Variants in SLC8A1 observed in about 807,000 individuals in gnomAD.
SLC8A1 encodes the protein solute carrier family 8 member A1.
Under a neutral mutation model 68.3 loss-of-function variants are expected in SLC8A1, and 18 were observed. That is an observed-to-expected ratio of 0.26 (90% CI 0.18 to 0.39). The LOEUF (loss-of-function observed/expected upper bound fraction) is 0.39, where lower values mean the gene tolerates loss of function less well. SLC8A1 is among the 10% of genes least tolerant of loss of function. The probability of loss-of-function intolerance (pLI) is 1.00; values close to 1 mark genes in which losing one functional copy is unlikely to be tolerated. For missense variants in SLC8A1, 985 were observed against 1,156.7 expected (o/e 0.85, Z 2.15); for synonymous variants, 475 against 415.5 (o/e 1.14, Z -1.74).
intron 2 of SLC8A1, among the ~76,000 whole-genome samples, chr2:40,352,217 G>A (rs1186965956): frequency 6.6e-6 from 1 of 152,136 alleles, no homozygotes; most frequent in Non-Finnish European, 1.5e-5. Context: ...AGTGTGTCAT[G>A]TGAACAATTC....
intron 2 of SLC8A1, among the ~76,000 whole-genome samples, chr2:40,392,766 A>G (rs775843886): frequency 3.5e-4 from 53 of 152,104 alleles, no homozygotes; most frequent in Non-Finnish European, 7.2e-4. Flanking sequence ...AGAAGAGGAC[A>G]ATAAAAAATC....
intron 2 of SLC8A1, among the ~76,000 whole-genome samples, chr2:40,277,331 G>T (rs962798886): frequency 1.3e-5 from 2 of 152,076 alleles, no homozygotes; most frequent in African/African-American, 4.8e-5. Flanking sequence ...CTTGAGGCCA[G>T]GAGTTTGAGA....
intron 2 of SLC8A1, among the ~76,000 whole-genome samples, chr2:40,229,103 T>G (rs2059336129): frequency 6.6e-6 from 1 of 152,124 alleles, no homozygotes; most frequent in Non-Finnish European, 1.5e-5. Context: ...ACCATAAAGC[T>G]GAAATGATTT....
Position 40,429,435 on chromosome 2 carries a change from C to T in SLC8A1, c.846G>A (p.Arg282=), listed in dbSNP as rs1348182383. The change falls in exon 2 of 8, where the codon AGG becomes AGA. Residue 282 remains arginine, a synonymous_variant. Transcript: ENST00000406785. ...TTTCAATTTCAGTCTTAGAAGATGG[C>T]CTGTCTCCTTCATGTTCAATAATCA... is the stretch of plus-strand genomic sequence containing the variant. 2.5e-6 allele frequency: 4 copies of T among 1,613,876 alleles called. No individual in the cohort carries two copies. The South Asian group carries it at 3.3e-5, about 13-fold the overall frequency.
chr2:40,356,751 G>A (rs978826092), intron 2 of SLC8A1, among the ~76,000 whole-genome samples: 2 of 152,052 alleles, frequency 1.3e-5, no homozygotes, highest in African/African-American at 4.8e-5. Flanking sequence ...TACTTAAATC[G>A]GCCTGCTTTT....
chr2:40,239,710 G>A (rs1051632333), intron 2 of SLC8A1, among the ~76,000 whole-genome samples: 2 of 152,080 alleles, frequency 1.3e-5, no homozygotes, highest in African/African-American at 4.8e-5. Context: ...AAAAAAACTG[G>A]TGCATTCTTT....
At chr2:40,311,304 T>A (rs2073618229) in intron 2 of SLC8A1, among the ~76,000 whole-genome samples, 1 of 152,164 alleles carries the variant, frequency 6.6e-6, no homozygotes, top group Admixed American at 6.6e-5. Context: ...TCATTTAACA[T>A]TCAAAGCTGT....
intron 2 of SLC8A1, among the ~76,000 whole-genome samples, chr2:40,271,201 T>A (rs1024680586): frequency 3.3e-5 from 5 of 151,476 alleles, no homozygotes; most frequent in African/African-American, 1.2e-4. Context: ...GAGCGTGACA[T>A]GATCTGGCTC....
At chr2:40,356,095 G>A (rs1219502971) in intron 2 of SLC8A1, among the ~76,000 whole-genome samples, 1 of 152,102 alleles carries the variant, frequency 6.6e-6, no homozygotes. Context: ...CTTCCTCCAG[G>A]AAGCCTTACT....
chr2:40,400,564 T>A (rs549107740), intron 2 of SLC8A1, among the ~76,000 whole-genome samples: 2 of 152,100 alleles, frequency 1.3e-5, no homozygotes, highest in Admixed American at 6.5e-5. Flanking sequence ...AAAACTTTCA[T>A]GGATCACATG....
intron 2 of SLC8A1, among the ~76,000 whole-genome samples, chr2:40,330,919 T>G (rs1278978633): frequency 6.6e-6 from 1 of 152,122 alleles, no homozygotes; most frequent in Non-Finnish European, 1.5e-5. Context: ...TACAATCGAG[T>G]TACCTGCAAA....
At chr2:40,149,013 A>G (rs2042950731) in intron 6 of SLC8A1, among the ~76,000 whole-genome samples, 2 of 152,170 alleles carry the variant, frequency 1.3e-5, no homozygotes, top group African/African-American at 2.4e-5. Flanking sequence ...AGCCATCTGG[A>G]AAATCTCTCT....
intron 1 of SLC8A1, among the ~76,000 whole-genome samples, chr2:40,488,634 A>G (rs192937237): frequency 1.3e-5 from 2 of 152,202 alleles, no homozygotes; most frequent in African/African-American, 2.4e-5. Flanking sequence ...AAAAAGAAAA[A>G]CAGACATTTT....
intron 2 of SLC8A1, among the ~76,000 whole-genome samples, chr2:40,196,407 C>T (rs988188801): frequency 6.6e-6 from 1 of 151,878 alleles, no homozygotes; most frequent in Non-Finnish European, 1.5e-5. Flanking sequence ...GAGCCTCTGA[C>T]CTTGTGAGGT....
intron 2 of SLC8A1, among the ~76,000 whole-genome samples, chr2:40,312,351 G>A (rs1420546932): frequency 6.6e-6 from 1 of 151,998 alleles, no homozygotes; most frequent in African/African-American, 2.4e-5. Context: ...CAACTGTGAG[G>A]GGTACTATTT....
intron 2 of SLC8A1, among the ~76,000 whole-genome samples, chr2:40,284,356 GATAT>G (rs1553473816): frequency 2.2e-5 from 2 of 91,324 alleles, no homozygotes; most frequent in Non-Finnish European, 5.0e-5. Context: ...AATATATATA[GATAT>G]ATACATATAT....
intron 2 of SLC8A1, chr2:40,251,710 G>A (rs2062779149): frequency 1.3e-5 from 2 of 152,224 alleles, no homozygotes; most frequent in African/African-American, 2.4e-5. Flanking sequence ...GAAGCTGGGA[G>A]AGAGGGTCAA....
intron 2 of SLC8A1, among the ~76,000 whole-genome samples, chr2:40,399,340 T>G (rs1219200350): frequency 6.7e-6 from 1 of 149,766 alleles, no homozygotes; most frequent in African/African-American, 2.5e-5. Context: ...TCTCCCCTTT[T>G]TCACATACCC....
At chr2:40,415,804 C>G (rs564150658) in intron 2 of SLC8A1, among the ~76,000 whole-genome samples, 65 of 149,404 alleles carry the variant, frequency 4.4e-4, no homozygotes, top group African/African-American at 1.6e-3. Context: ...ACCTGAGGTC[C>G]GGAGTTCAAG....
Sources: allele counts gnomAD v4.1 joint callset (sites outside exome capture counted in the v4.1 genomes callset), GRCh38; gene constraint gnomAD v4.1.1; transcripts MANE v1.5; gene names NCBI Gene and HGNC (gene_info 2026-07-23, HGNC 2026-07-21).